Variants in OTUD7A observed in about 807,000 individuals in gnomAD.
The protein encoded by OTUD7A is OTU deubiquitinase 7A.
A neutral mutation model predicts 65.7 loss-of-function variants in OTUD7A; 12 were observed. The observed-to-expected ratio is 0.18, with a 90% CI of 0.12 to 0.30. OTUD7A has a LOEUF of 0.30. OTUD7A is among the 10% of genes least tolerant of loss of function. OTUD7A has a pLI of 1.00. For synonymous variants in OTUD7A, 641 were observed against 586.3 expected (o/e 1.09, Z -1.35); for missense variants, 1,148 against 1,304.8 (o/e 0.88, Z 1.85).
rs2041107590 is a variant in OTUD7A, at chr15:31,480,868, G to A, written c.*2426C>T. The A allele has an allele frequency of 6.6e-6, 1 of 152,278 alleles. No individual in the cohort carries two copies. The highest frequency in any genetic ancestry group is 2.4e-5 in the African/African-American group (1 of 41,468). 9.4% of individuals were successfully genotyped at this position (152,278 alleles called of 1,614,324 possible). Reference sequence around the variant, plus strand: ...GTCTGGCGCCTCGTTACCACATTGAGAAGCTGGGGTGCAGGATGCAGCCAG... The same window carrying A: ...GTCTGGCGCCTCGTTACCACATTGAAAAGCTGGGGTGCAGGATGCAGCCAG... On this transcript the variant is annotated 3_prime_UTR_variant, in exon 13 of 13. Transcript: ENST00000307050.
intron 1 of OTUD7A, among the ~76,000 whole-genome samples, chr15:31,774,814 A>C (rs1422099115): frequency 6.6e-6 from 1 of 152,050 alleles, no homozygotes; most frequent in Non-Finnish European, 1.5e-5. Flanking sequence ...AAAGCTTATA[A>C]CACTTGTCTT....
In OTUD7A at chr15:31,825,067, G is replaced by A. The variant is rs559674598; in HGVS notation, c.-100+45440C>T. On this transcript the variant is annotated intron_variant, in intron 1 of 12. Transcript: ENST00000307050. ...CAGAAAGTGTTGCTTGACAGACGCT[G>A]ACCCAGTGTGATTCTACCTACCTAT... is the stretch of plus-strand genomic sequence containing the variant. Among the ~76,000 whole-genome samples the A allele has an allele frequency of 2.2e-4, 33 of 152,330 alleles. No homozygotes were observed. The South Asian group carries it at 6.8e-3, about 32-fold the overall frequency.
At chr15:31,598,750 G>A (rs1452634709) in intron 3 of OTUD7A, among the ~76,000 whole-genome samples, 1 of 152,172 alleles carries the variant, frequency 6.6e-6, no homozygotes, top group East Asian at 1.9e-4. Context: ...AAACTAAGAT[G>A]CACTGGCTTG....
intron 10 of OTUD7A, among the ~76,000 whole-genome samples, chr15:31,493,654 CATG>C (rs2041347812): frequency 1.3e-5 from 2 of 152,196 alleles, no homozygotes; most frequent in Non-Finnish European, 2.9e-5. Flanking sequence ...GAACAGAAAT[CATG>C]ATGTTTGTGC....
chr15:31,717,318 G>C (rs1349658419), intron 1 of OTUD7A, among the ~76,000 whole-genome samples: 1 of 152,064 alleles, frequency 6.6e-6, no homozygotes, highest in Non-Finnish European at 1.5e-5. Flanking sequence ...GTATACATGT[G>C]CCATGGTGGT....
At chr15:31,742,431 G>C (rs1815877409) in intron 1 of OTUD7A, among the ~76,000 whole-genome samples, 1 of 151,978 alleles carries the variant, frequency 6.6e-6, no homozygotes, top group Admixed American at 6.6e-5. Flanking sequence ...TGTAGATAAG[G>C]CTTTTTAAAA....
At chr15:31,801,551 A>G (rs928607950) in intron 1 of OTUD7A, among the ~76,000 whole-genome samples, 1 of 152,242 alleles carries the variant, frequency 6.6e-6, no homozygotes, top group Admixed American at 6.5e-5. Flanking sequence ...ATAAAATTGC[A>G]TTTTTGGTGC....
chr15:31,727,196 A>C (rs575675499), intron 1 of OTUD7A, among the ~76,000 whole-genome samples: 1 of 152,174 alleles, frequency 6.6e-6, no homozygotes, highest in African/African-American at 2.4e-5. Flanking sequence ...CCCATACTCC[A>C]AGTGGCTCAT....
chr15:31,502,596 T>C (rs1260321224), intron 9 of OTUD7A, among the ~76,000 whole-genome samples: 1 of 152,212 alleles, frequency 6.6e-6, no homozygotes, highest in Non-Finnish European at 1.5e-5. Flanking sequence ...AATTGATCAC[T>C]GTGCTCACAG....
chr15:31,865,862 A>G (rs1897863323), intron 1 of OTUD7A, among the ~76,000 whole-genome samples: 1 of 152,254 alleles, frequency 6.6e-6, no homozygotes, highest in African/African-American at 2.4e-5. Context: ...AGACAAGGAA[A>G]TGAATTTCCA....
intron 1 of OTUD7A, among the ~76,000 whole-genome samples, chr15:31,851,179 G>A (rs1389281969): frequency 6.6e-6 from 1 of 152,220 alleles, no homozygotes; most frequent in Admixed American, 6.5e-5. Flanking sequence ...CAAGAGGCTG[G>A]TTTTTAAAGT....
chr15:31,867,896 C>A (rs547472118), intron 1 of OTUD7A, among the ~76,000 whole-genome samples: 88 of 124,848 alleles, frequency 7.0e-4, no homozygotes, highest in Middle Eastern at 4.2e-3. Flanking sequence ...GACAGGCATG[C>A]GGGAGCGGAG....
Position 31,484,367 on chromosome 15 carries a change from C to T in OTUD7A, c.1729G>A (p.Gly577Ser), listed in dbSNP as rs542041260. 6 of 1,601,260 alleles carry T rather than the reference C, an allele frequency of 3.7e-6. No homozygotes were observed. Among genetic ancestry groups the T allele is most frequent in the Non-Finnish European group, 5.1e-6 (6 of 1,179,678 alleles). ...GKEKKAKSRK[G>S]SKEESGASAS... is the part of the protein sequence containing the mutation. ...GACGCACCAGACTCCTCCTTGCTGC[C>T]CTTGCGCGACTTGGCCTTCTTCTCC... Residue 577 changes from glycine (G) to serine (S), a missense_variant, in exon 13 of 13, where the codon GGC becomes AGC. Transcript: ENST00000307050. The surrounding 1 kb of genome is among the most constrained non-coding windows in gnomAD (Gnocchi z 4.5).
At chr15:31,536,047 G>C (rs1350140237) in intron 5 of OTUD7A, among the ~76,000 whole-genome samples, 2 of 152,256 alleles carry the variant, frequency 1.3e-5, no homozygotes, top group African/African-American at 4.8e-5. Flanking sequence ...AGCTTCAGGA[G>C]GATGTACTCC....
intron 1 of OTUD7A, among the ~76,000 whole-genome samples, chr15:31,735,063 C>CT (rs1894149812): frequency 1.7e-5 from 2 of 117,500 alleles, no homozygotes; most frequent in Non-Finnish European, 3.8e-5. Flanking sequence ...GAAAAAAACC[C>CT]CACTAAAAAG....
At chr15:31,492,599 A>C (rs533520943) in intron 10 of OTUD7A, among the ~76,000 whole-genome samples, 1 of 148,000 alleles carries the variant, frequency 6.8e-6, no homozygotes, top group South Asian at 2.1e-4. Context: ...AAAAAAAAAA[A>C]CAAATCTCAT....
At chr15:31,773,590 A>G (rs1287249271) in intron 1 of OTUD7A, among the ~76,000 whole-genome samples, 1 of 152,210 alleles carries the variant, frequency 6.6e-6, no homozygotes, top group African/African-American at 2.4e-5. Context: ...CAACATATGA[A>G]TTTGGGGGAG....
intron 4 of OTUD7A, among the ~76,000 whole-genome samples, chr15:31,559,812 G>A (rs1015288824): frequency 6.6e-6 from 1 of 152,104 alleles, no homozygotes; most frequent in Non-Finnish European, 1.5e-5. Context: ...CAGACTATAT[G>A]CATACACACG....
At chr15:31,536,644 G>T (rs1887811990) in intron 5 of OTUD7A, among the ~76,000 whole-genome samples, 1 of 151,904 alleles carries the variant, frequency 6.6e-6, no homozygotes, top group Non-Finnish European at 1.5e-5. Flanking sequence ...ATACACAGGA[G>T]AATACTATTC....
Sources: gnomAD v4.1 joint callset for allele counts (sites outside exome capture counted in the v4.1 genomes callset) on GRCh38, gnomAD v4.1.1 for gene constraint, Gnocchi (gnomAD v3.1) non-coding constraint, MANE v1.5 for transcripts, NCBI Gene and HGNC (gene_info 2026-07-23, HGNC 2026-07-21) for gene names.